Variants in SMYD3 observed in about 807,000 individuals in gnomAD.
The protein encoded by SMYD3 is histone-lysine N-methyltransferase SMYD3.
SMYD3 carries 36 observed loss-of-function variants against 57.7 expected under a neutral mutation model. That is an observed-to-expected ratio of 0.62 (90% CI 0.48 to 0.82). SMYD3 has a LOEUF of 0.82. Among genes scored for constraint, SMYD3 ranks in the 40% least tolerant of loss-of-function variants. The probability of loss-of-function intolerance (pLI) is 0.00; values close to 1 mark genes in which losing one functional copy is unlikely to be tolerated. For synonymous variants in SMYD3, 211 were observed against 195.0 expected (o/e 1.08, Z -0.68); for missense variants, 515 against 538.8 (o/e 0.96, Z 0.44).
intron 1 of SMYD3, among the ~76,000 whole-genome samples, chr1:246,457,048 C>A (rs1458520113): frequency 6.6e-6 from 1 of 152,092 alleles, no homozygotes; most frequent in Admixed American, 6.6e-5. Flanking sequence ...TTATATGGAG[C>A]CTTCCATCTC....
At chr1:246,321,366 C>T (rs375349019) in intron 5 of SMYD3, among the ~76,000 whole-genome samples, 1 of 152,164 alleles carries the variant, frequency 6.6e-6, no homozygotes, top group South Asian at 2.1e-4. Context: ...ATAGTTGATC[C>T]TCCTTGAAAT....
chr1:245,947,344 T>C (rs769697523), intron 5 of SMYD3: 12 of 456,680 alleles, frequency 2.6e-5, no homozygotes, highest in East Asian at 2.1e-4. Flanking sequence ...CAGGAATTCA[T>C]ACACGGCACA....
chr1:246,336,446 T>C (rs374060307), intron 2 of SMYD3, among the ~76,000 whole-genome samples: 1 of 152,340 alleles, frequency 6.6e-6, no homozygotes, highest in East Asian at 1.9e-4. Flanking sequence ...CCTCAATTTC[T>C]GGGTCTACAA....
chr1:246,215,627 A>G (rs1472878486), intron 5 of SMYD3, among the ~76,000 whole-genome samples: 1 of 152,184 alleles, frequency 6.6e-6, no homozygotes, highest in Admixed American at 6.5e-5. Context: ...GATCACTCTC[A>G]GTGGCCATCG....
intron 5 of SMYD3, among the ~76,000 whole-genome samples, chr1:246,222,417 C>G (rs745790610): frequency 5.9e-5 from 9 of 152,024 alleles, no homozygotes; most frequent in Non-Finnish European, 1.3e-4. Context: ...TTGAGCCGAT[C>G]TGTGCCTCAT....
intron 5 of SMYD3, among the ~76,000 whole-genome samples, chr1:246,059,000 G>C (rs868470427): frequency 6.6e-6 from 1 of 151,546 alleles, no homozygotes; most frequent in Non-Finnish European, 1.5e-5. Context: ...TCAGCCTCCC[G>C]AGTAGCTGGA....
intron 1 of SMYD3, among the ~76,000 whole-genome samples, chr1:246,404,281 G>A (rs1179320413): frequency 2.6e-5 from 4 of 152,196 alleles, no homozygotes; most frequent in Admixed American, 2.6e-4. Context: ...CATCTGTGCT[G>A]ACTTCAGACT....
Position 245,833,073 on chromosome 1 carries a change from A to AAAAAAAAAAAAAAAAAAAAAAAACACAAC in SMYD3, c.1076+25422_1076+25423insGTTGTGTTTTTTTTTTTTTTTTTTTTTTT. ...GGAATATGTGACAAAAAAAAAAAAA[A>AAAAAAAAAAAAAAAAAAAAAAAACACAAC]AACCTGCTTTTATAATGCTGATTCA... On this transcript the variant is annotated intron_variant, in intron 10 of 11. Transcript: ENST00000490107. Among the ~76,000 whole-genome samples the AAAAAAAAAAAAAAAAAAAAAAAACACAAC allele has an allele frequency of 8.2e-4, 106 of 128,528 alleles. 5 individuals are homozygous for AAAAAAAAAAAAAAAAAAAAAAAACACAAC. The highest frequency in any genetic ancestry group is 3.8e-3 in the Middle Eastern group (1 of 260). The allele number at this position is 128,528 out of a possible 152,430, so 84.3% of individuals were successfully genotyped here.
chr1:246,286,682 T>C (rs1314411544), intron 5 of SMYD3, among the ~76,000 whole-genome samples: 1 of 152,180 alleles, frequency 6.6e-6, no homozygotes, highest in Non-Finnish European at 1.5e-5. Flanking sequence ...GTATAGGGCA[T>C]GGCACATACC....
chr1:245,969,054 G>C (rs1251343507), intron 5 of SMYD3, among the ~76,000 whole-genome samples: 1 of 152,146 alleles, frequency 6.6e-6, no homozygotes, highest in African/African-American at 2.4e-5. Context: ...AGTTAATAAT[G>C]TGTCACTCTG....
At chr1:245,856,693 T>C (rs1188865650) in intron 10 of SMYD3, among the ~76,000 whole-genome samples, 1 of 152,150 alleles carries the variant, frequency 6.6e-6, no homozygotes, top group Non-Finnish European at 1.5e-5. Context: ...TCTTTATGGA[T>C]GTGGTGGACC....
intron 5 of SMYD3, among the ~76,000 whole-genome samples, chr1:246,273,325 T>G (rs1176857570): frequency 6.6e-6 from 1 of 151,078 alleles, no homozygotes; most frequent in Non-Finnish European, 1.5e-5. Flanking sequence ...AATTTTTGTA[T>G]TTTTGGTAAA....
rs146611206 is a variant in SMYD3, at chr1:245,960,810, C to A, written c.532-30873G>T. The stretch of plus-strand genomic sequence containing the variant: ...CTGAATTTATAGAATCGTTACACAT[C>A]TAGAGGAATTACTTAACTTTTTCAG... On this transcript the variant is annotated intron_variant, in intron 5 of 11. Coordinates refer to ENST00000490107, the MANE Select transcript of SMYD3 (RefSeq NM_001167740.2). 2.0e-4 allele frequency among the ~76,000 whole-genome samples: 31 copies of A among 152,316 alleles called. No homozygotes were observed. In the East Asian group the frequency reaches 6.0e-3, roughly 29 times the overall value.
chr1:246,481,708 TTA>T (rs969821894), intron 1 of SMYD3, among the ~76,000 whole-genome samples: 4 of 144,646 alleles, frequency 2.8e-5, no homozygotes, highest in African/African-American at 1.0e-4. Context: ...TCATATATGA[TTA>T]TATATATATG....
chr1:246,257,334 A>G (rs879743295), intron 5 of SMYD3, among the ~76,000 whole-genome samples: 1 of 152,180 alleles, frequency 6.6e-6, no homozygotes, highest in African/African-American at 2.4e-5. Flanking sequence ...CTACTCCAAT[A>G]TTGGGTACAT....
In SMYD3 at chr1:246,170,608, C is replaced by T. The variant is rs143769204; in HGVS notation, c.531+156593G>A. 4.5e-4 allele frequency among the ~76,000 whole-genome samples: 69 copies of T among 152,042 alleles called. No individual in the cohort carries two copies. The East Asian group carries it at 0.012, about 27-fold the overall frequency. On this transcript the variant is annotated intron_variant, in intron 5 of 11. Coordinates refer to ENST00000490107, the MANE Select transcript of SMYD3 (RefSeq NM_001167740.2). Reference sequence around the variant, plus strand: ...AAATATAAATCAATTTACACAAAAACGGTAGTAATACAAGACTGCCTGTCT... The same window carrying T: ...AAATATAAATCAATTTACACAAAAATGGTAGTAATACAAGACTGCCTGTCT...
intron 10 of SMYD3, among the ~76,000 whole-genome samples, chr1:245,768,724 G>A: frequency 6.6e-6 from 1 of 152,142 alleles, no homozygotes; most frequent in East Asian, 1.9e-4. Context: ...TTCACGAAGT[G>A]TTCAGCTTGT....
chr1:246,329,574 G>A lies in SMYD3; in HGVS notation c.394+906C>T, dbSNP rs371366639. On this transcript the variant is annotated intron_variant, in intron 4 of 11. Coordinates refer to ENST00000490107, the MANE Select transcript of SMYD3 (RefSeq NM_001167740.2). Reference sequence around the variant, plus strand: ...TCTTGTTAATTTGTTTGAGTTCATTGTAGATTCTGGATATTAGCCCTTTGT... The same window carrying A: ...TCTTGTTAATTTGTTTGAGTTCATTATAGATTCTGGATATTAGCCCTTTGT... 1.1e-3 allele frequency among the ~76,000 whole-genome samples: 165 copies of A among 152,118 alleles called. 2 individuals are homozygous for A. The East Asian group carries it at 0.025, about 23-fold the overall frequency.
At chr1:246,315,655 T>C (rs1382974002) in intron 5 of SMYD3, among the ~76,000 whole-genome samples, 1 of 146,540 alleles carries the variant, frequency 6.8e-6, no homozygotes, top group African/African-American at 2.5e-5. Flanking sequence ...AAAGCTCTTC[T>C]AGATAATAAA....
Sources: gnomAD v4.1 joint callset for allele counts (sites outside exome capture counted in the v4.1 genomes callset) on GRCh38, gnomAD v4.1.1 for gene constraint, MANE v1.5 for transcripts, NCBI Gene and HGNC (gene_info 2026-07-23, HGNC 2026-07-21) for gene names.